SLC44A5: variants seen among roughly 807,000 people sequenced by gnomAD.
The protein encoded by SLC44A5 is solute carrier family 44 member 5.
SLC44A5 carries 57 observed loss-of-function variants against 101.8 expected under a neutral mutation model. That is an observed-to-expected ratio of 0.56 (90% confidence interval 0.45 to 0.70). SLC44A5 has a LOEUF of 0.70. Ranked by LOEUF, SLC44A5 falls within the 30% of genes least tolerant of loss-of-function variation. SLC44A5 has a pLI of 0.00. For synonymous variants in SLC44A5, 281 were observed against 290.9 expected, an observed-to-expected ratio of 0.97 and a Z score of 0.35; for missense variants, 737 against 853.1, an observed-to-expected ratio of 0.86 and a Z score of 1.70.
At chr1:75,431,307 A>G (rs1018945646) in intron 2 of SLC44A5, among the ~76,000 whole-genome samples, 3 of 152,166 alleles carry the variant, frequency 2.0e-5, no homozygotes, top group Non-Finnish European at 2.9e-5. Flanking sequence ...ATAAACCCTC[A>G]GTGGTTCCCC....
chr1:75,210,737 C>G (rs1223086303), intron 23 of SLC44A5, among the ~76,000 whole-genome samples: 1 of 152,150 alleles, frequency 6.6e-6, no homozygotes, highest in Non-Finnish European at 1.5e-5. Context: ...TAATTTCATG[C>G]TAACAGTATG....
chr1:75,679,923 C>T, the SLC44A5 span, among the ~76,000 whole-genome samples: 1 of 151,996 alleles, frequency 6.6e-6, no homozygotes, highest in Admixed American at 6.6e-5. Context: ...GGAAGATCTA[C>T]CAAGCAAATG....
the SLC44A5 span, among the ~76,000 whole-genome samples, chr1:75,635,039 C>G: frequency 1.3e-5 from 2 of 149,956 alleles, no homozygotes; most frequent in Non-Finnish European, 3.0e-5. Context: ...ATTTATGCAG[C>G]CAACAGACAC....
At chr1:75,522,804 A>G (rs558814826) in intron 2 of SLC44A5, among the ~76,000 whole-genome samples, 97 of 152,324 alleles carry the variant, frequency 6.4e-4, no homozygotes, top group African/African-American at 2.2e-3. Context: ...TACTTGCTTC[A>G]TTTTGGGATG....
At chr1:75,324,488 T>C (rs933504707) in intron 4 of SLC44A5, among the ~76,000 whole-genome samples, 1 of 152,228 alleles carries the variant, frequency 6.6e-6, no homozygotes, top group African/African-American at 2.4e-5. Flanking sequence ...ACAAAATCCA[T>C]GATGCTATTA....
At chr1:75,657,850 A>T in the SLC44A5 span, among the ~76,000 whole-genome samples, 1 of 152,290 alleles carries the variant, frequency 6.6e-6, no homozygotes, top group South Asian at 2.1e-4. Context: ...TCCCTCTATT[A>T]TACCACTCTG....
At chr1:75,280,416 A>T (rs1312306985) in intron 5 of SLC44A5, among the ~76,000 whole-genome samples, 11 of 79,276 alleles carry the variant, frequency 1.4e-4, no homozygotes, top group African/African-American at 5.8e-4. Flanking sequence ...TGTATATATA[A>T]TATATATATT....
intron 4 of SLC44A5, among the ~76,000 whole-genome samples, chr1:75,335,996 T>C (rs1292182033): frequency 1.3e-5 from 2 of 152,150 alleles, no homozygotes; most frequent in Non-Finnish European, 2.9e-5. Context: ...TGTGGGGTCT[T>C]GTCATCTGGT....
chr1:75,460,087 G>A (rs1465538674), intron 2 of SLC44A5, among the ~76,000 whole-genome samples: 3 of 152,108 alleles, frequency 2.0e-5, no homozygotes, highest in Non-Finnish European at 4.4e-5. Context: ...TATACACATC[G>A]AACATAAACT....
intron 2 of SLC44A5, among the ~76,000 whole-genome samples, chr1:75,524,539 C>A (rs1670314135): frequency 6.6e-6 from 1 of 151,978 alleles, no homozygotes; most frequent in Non-Finnish European, 1.5e-5. Flanking sequence ...AATTTGTTTC[C>A]CAAACTTGTA....
At chr1:75,214,580 T>A (rs1391022952) in intron 20 of SLC44A5, 25 bp downstream of exon 20, 2 of 1,592,582 alleles carry the variant, frequency 1.3e-6, no homozygotes, top group Non-Finnish European at 1.7e-6. Context: ...ATTGTTAAAT[T>A]ACATTGTGCA....
chr1:75,520,399 C>A (rs1480809190), intron 2 of SLC44A5, among the ~76,000 whole-genome samples: 4 of 152,120 alleles, frequency 2.6e-5, no homozygotes, highest in Non-Finnish European at 4.4e-5. Flanking sequence ...TTTAAGAAGA[C>A]TTTTAAACTT....
intron 5 of SLC44A5, among the ~76,000 whole-genome samples, chr1:75,287,166 G>A (rs1011889991): frequency 1.3e-5 from 2 of 151,766 alleles, no homozygotes; most frequent in African/African-American, 4.8e-5. Context: ...GTTGGATTGG[G>A]TTAATATGAA....
chr1:75,230,268 GAC>G (rs1647428062), intron 12 of SLC44A5, among the ~76,000 whole-genome samples: 1 of 147,932 alleles, frequency 6.8e-6, no homozygotes, highest in South Asian at 2.2e-4. Flanking sequence ...TTTTTTTTGA[GAC>G]AGAGTCTCGC....
At chr1:75,466,566 G>C (rs1666829628) in intron 2 of SLC44A5, among the ~76,000 whole-genome samples, 2 of 148,434 alleles carry the variant, frequency 1.3e-5, no homozygotes, top group Non-Finnish European at 3.0e-5. Context: ...CAAAGCAGGA[G>C]AATTGCTTGA....
At chr1:75,623,199 A>G in the SLC44A5 span, among the ~76,000 whole-genome samples, 1 of 152,176 alleles carries the variant, frequency 6.6e-6, no homozygotes, top group Non-Finnish European at 1.5e-5. Flanking sequence ...ACAAATTGTT[A>G]CAAGTTCTAT....
At chr1:75,553,108 T>G (rs1672030904) in intron 1 of SLC44A5, among the ~76,000 whole-genome samples, 1 of 152,126 alleles carries the variant, frequency 6.6e-6, no homozygotes, top group African/African-American at 2.4e-5. Context: ...TAGACTATAT[T>G]TCTGATTTCT....
At chr1:75,212,364 T>A (rs1235862325) in intron 22 of SLC44A5, among the ~76,000 whole-genome samples, 1 of 152,048 alleles carries the variant, frequency 6.6e-6, no homozygotes, top group Non-Finnish European at 1.5e-5. Flanking sequence ...CTCAAGTAGG[T>A]CCCAGTGTCT....
At chr1:75,683,070 C>T in the SLC44A5 span, among the ~76,000 whole-genome samples, 2 of 152,044 alleles carry the variant, frequency 1.3e-5, no homozygotes, top group African/African-American at 2.4e-5. Flanking sequence ...CATCTCACAC[C>T]AGTTAGAATG....
Sources: allele counts gnomAD v4.1 joint callset (sites outside exome capture counted in the v4.1 genomes callset), GRCh38; gene constraint gnomAD v4.1.1; transcripts MANE v1.5; gene names NCBI Gene and HGNC (gene_info 2026-07-23, HGNC 2026-07-21).